Variants in PDZRN4 observed in about 807,000 individuals in gnomAD.
PDZRN4 encodes PDZ domain containing ring finger 4.
A neutral mutation model predicts 99.0 loss-of-function variants in PDZRN4; 70 were observed. The ratio of observed to expected loss-of-function variants is 0.71; its 90% CI spans 0.58 to 0.86. The LOEUF (loss-of-function observed/expected upper bound fraction) is 0.86. Ranked by LOEUF, PDZRN4 falls within the 40% of genes least tolerant of loss-of-function variation. The pLI is 0.00. For synonymous variants in PDZRN4, 551 were observed against 501.6 expected (o/e 1.10, Z -1.32); for missense variants, 1,474 against 1,331.2 (o/e 1.11, Z -1.67).
intron 3 of PDZRN4, among the ~76,000 whole-genome samples, chr12:41,354,751 G>A (rs1385753371): frequency 1.3e-5 from 2 of 152,024 alleles, no homozygotes; most frequent in Non-Finnish European, 2.9e-5. Flanking sequence ...GCACTGCTGA[G>A]TAAGAGTTTT....
At chr12:41,414,945 A>G (rs918948495) in intron 3 of PDZRN4, among the ~76,000 whole-genome samples, 5 of 152,180 alleles carry the variant, frequency 3.3e-5, no homozygotes, top group Non-Finnish European at 5.9e-5. Flanking sequence ...CATGTGAAGA[A>G]CTGAATGAAA....
intron 5 of PDZRN4, among the ~76,000 whole-genome samples, chr12:41,548,011 T>G (rs180910433): frequency 6.6e-6 from 1 of 152,306 alleles, no homozygotes; most frequent in East Asian, 1.9e-4. Context: ...AAAGAAGTAG[T>G]CAAATAAACA....
rs953837629 is a variant in PDZRN4 at position 41,199,226 on chromosome 12, G to C, written c.843+5038G>C. Among the ~76,000 whole-genome samples, 3 of 152,084 alleles carry C rather than the reference G, an allele frequency of 2.0e-5. No individual in the cohort carries two copies. The East Asian group carries it at 5.8e-4, about 29-fold the overall frequency. On this transcript the variant is annotated intron_variant, in intron 3 of 9. Coordinates refer to ENST00000402685, the MANE Select transcript of PDZRN4 (RefSeq NM_001164595.2). ...CACCTGTAAATCTGCTGGGCAGTTA[G>C]TTTTTTGACAAATTTATGTCTAATT...
rs746524210 is a variant in PDZRN4 at position 41,572,796 on chromosome 12, C to G, written c.2017C>G (p.Leu673Val). Residue 673 changes from leucine to valine, a missense_variant, in exon 10 of 10, where the codon CTG becomes GTG. Leu to Val is a conservative substitution (Grantham distance 32). Transcript: ENST00000402685. Reference protein sequence around the residue: ...EHELQLLNEELRNIELECQNI... With the variant: ...EHELQLLNEEVRNIELECQNI... ...TGAGCTACAGTTGCTTAATGAAGAACTGAGAAACATTGAGCTTGAGTGTCA... is the reference window on the plus strand; with the variant it reads ...TGAGCTACAGTTGCTTAATGAAGAAGTGAGAAACATTGAGCTTGAGTGTCA... The G allele has an allele frequency of 1.2e-6, 2 of 1,614,002 alleles. No individual in the cohort carries two copies. The highest frequency in any genetic ancestry group is 1.7e-6 in the Non-Finnish European group (2 of 1,180,028).
intron 5 of PDZRN4, among the ~76,000 whole-genome samples, chr12:41,511,988 G>T (rs78636548): frequency 2.0e-5 from 3 of 152,068 alleles, no homozygotes; most frequent in Admixed American, 6.6e-5. Flanking sequence ...CTCTAGGAGC[G>T]GGATGGATGA....
intron 3 of PDZRN4, among the ~76,000 whole-genome samples, chr12:41,388,846 T>C (rs756612329): frequency 6.6e-6 from 1 of 152,188 alleles, no homozygotes; most frequent in Non-Finnish European, 1.5e-5. Context: ...GTATCTTTTT[T>C]GTGTATTCAT....
In PDZRN4 at chr12:41,224,903, A is replaced by G. The variant is rs1189478580; in HGVS notation, c.843+30715A>G. On this transcript the variant is annotated intron_variant, in intron 3 of 9. Coordinates refer to ENST00000402685, the MANE Select transcript of PDZRN4 (RefSeq NM_001164595.2). Reference sequence around the variant, plus strand: ...TCCAGTTCTCATTGCTTTAATCACTACATAATAATACCCTAACACTGCCCC... The same window carrying G: ...TCCAGTTCTCATTGCTTTAATCACTGCATAATAATACCCTAACACTGCCCC... Among the ~76,000 whole-genome samples, 3 of 152,156 alleles carry G rather than the reference A, an allele frequency of 2.0e-5. No homozygotes were observed. The East Asian group carries it at 5.8e-4, about 29-fold the overall frequency.
intron 9 of PDZRN4, among the ~76,000 whole-genome samples, chr12:41,570,718 A>T (rs1939457434): frequency 6.6e-6 from 1 of 152,220 alleles, no homozygotes; most frequent in Non-Finnish European, 1.5e-5. Flanking sequence ...TATATGGTGT[A>T]GTATAAAGAC....
At chr12:41,563,353 C>G (rs943390817) in intron 7 of PDZRN4, among the ~76,000 whole-genome samples, 195 bp from the exon 8 acceptor site, 3 of 152,166 alleles carry the variant, frequency 2.0e-5, no homozygotes, top group Non-Finnish European at 4.4e-5. Flanking sequence ...TGTCCGCCAT[C>G]CTTCACGGAT....
chr12:41,465,912 T>A (rs1952920078), intron 3 of PDZRN4, among the ~76,000 whole-genome samples: 1 of 152,194 alleles, frequency 6.6e-6, no homozygotes, highest in Non-Finnish European at 1.5e-5. Context: ...ATAGCCTTGG[T>A]TTCAATGCCA....
chr12:41,361,222 A>G (rs1432718372), intron 3 of PDZRN4, among the ~76,000 whole-genome samples: 3 of 152,094 alleles, frequency 2.0e-5, no homozygotes, highest in African/African-American at 7.2e-5. Context: ...AAAAGTACAT[A>G]AACAAATAAT....
At chr12:41,381,264 C>A (rs956276828) in intron 3 of PDZRN4, among the ~76,000 whole-genome samples, 1 of 151,974 alleles carries the variant, frequency 6.6e-6, no homozygotes, top group Admixed American at 6.6e-5. Context: ...CATTTCTCAC[C>A]CCAAATTTGG....
chr12:41,485,120 A>G (rs929610431), intron 3 of PDZRN4, among the ~76,000 whole-genome samples: 3 of 152,130 alleles, frequency 2.0e-5, no homozygotes, highest in Non-Finnish European at 4.4e-5. Context: ...CATCTACAGT[A>G]AGTTGCAGTA....
chr12:41,573,521 T>C lies in PDZRN4; in HGVS notation c.2742T>C (p.Arg914=), dbSNP rs769449690. 6.2e-7 allele frequency: 1 copy of C among 1,613,768 alleles called. No individual in the cohort carries two copies. Among genetic ancestry groups the C allele is most frequent in the East Asian group, 2.2e-5 (1 of 44,824 alleles). The change falls in exon 10 of 10, where the codon CGT becomes CGC. Residue 914 remains arginine (R), a synonymous_variant. Transcript: ENST00000402685. ...RPVRDRILKE[R]ALKIKEERSG... Reference sequence around the variant, plus strand: ...TGCGAGACCGAATCCTGAAGGAACGTGCCTTAAAGATCAAGGAAGAGCGGA... The same window carrying C: ...TGCGAGACCGAATCCTGAAGGAACGCGCCTTAAAGATCAAGGAAGAGCGGA...
intron 5 of PDZRN4, among the ~76,000 whole-genome samples, chr12:41,549,139 G>A (rs983491350): frequency 2.6e-5 from 4 of 152,084 alleles, no homozygotes. Flanking sequence ...GCATTGATTT[G>A]TATACACTCA....
chr12:41,432,799 T>G (rs929029987), intron 3 of PDZRN4, among the ~76,000 whole-genome samples: 9 of 152,188 alleles, frequency 5.9e-5, no homozygotes, highest in African/African-American at 2.2e-4. Context: ...GTTTAATTTG[T>G]GGGGTTTCCA....
At chr12:41,286,336 C>CTTTTTTTTTTTTTTTTTTTTT (rs71081721) in intron 3 of PDZRN4, among the ~76,000 whole-genome samples, 65 of 106,288 alleles carry the variant, frequency 6.1e-4, no homozygotes, top group Admixed American at 1.1e-3. Flanking sequence ...CCTTCTTCTT[C>CTTTTTTTTTTTTTTTTTTTTT]TTTTTTTTTT....
intron 3 of PDZRN4, among the ~76,000 whole-genome samples, chr12:41,313,737 A>G (rs1279020845): frequency 2.0e-5 from 3 of 152,206 alleles, no homozygotes; most frequent in African/African-American, 7.2e-5. Context: ...TAGACCAGGT[A>G]CAAGTCAGAG....
intron 3 of PDZRN4, among the ~76,000 whole-genome samples, chr12:41,387,641 G>T (rs1952181602): frequency 6.6e-6 from 1 of 151,912 alleles, no homozygotes; most frequent in African/African-American, 2.4e-5. Flanking sequence ...ACTTTTCAAA[G>T]GAAGACATAC....
Sources: allele counts gnomAD v4.1 joint callset (sites outside exome capture counted in the v4.1 genomes callset), GRCh38; gene constraint gnomAD v4.1.1; transcripts MANE v1.5; gene names NCBI Gene and HGNC (gene_info 2026-07-23, HGNC 2026-07-21).